TLE1: variants seen among roughly 807,000 people sequenced by gnomAD.
TLE1 encodes transducin-like enhancer protein 1.
In TLE1, 21 loss-of-function variants were observed where a neutral mutation model predicts 89.8. The ratio of observed to expected loss-of-function variants is 0.23; its 90% CI spans 0.17 to 0.34. The LOEUF is 0.34. Ranked by LOEUF, TLE1 falls within the 10% of genes least tolerant of loss-of-function variation. The pLI is 1.00. For missense variants in TLE1, 795 were observed against 1,031.2 expected (o/e 0.77, Z 3.14); for synonymous variants, 447 against 407.6 (o/e 1.10, Z -1.16).
At chr9:81,587,993 T>C (rs571854733) in intron 16 of TLE1, among the ~76,000 whole-genome samples, 165 bp from the exon 17 acceptor site, 4 of 148,706 alleles carry the variant, frequency 2.7e-5, no homozygotes, top group Non-Finnish European at 6.0e-5. Context: ...AACCTTCCCC[T>C]GAGGAGGAGG....
At chr9:81,597,359 G>A (rs541766758) in intron 14 of TLE1, among the ~76,000 whole-genome samples, 6 of 152,266 alleles carry the variant, frequency 3.9e-5, no homozygotes, top group Non-Finnish European at 5.9e-5. Context: ...CAGGGAATGC[G>A]GAAAGGGAGG....
At chr9:81,652,374 G>T in intron 5 of TLE1, 86 bp from the exon 6 acceptor site, 1 of 1,094,880 alleles carries the variant, frequency 9.1e-7, no homozygotes, top group Non-Finnish European at 1.4e-6. Flanking sequence ...AATGCTGTGT[G>T]CAATGCAGGC....
chr9:81,630,546 T>C (rs1588040692), intron 8 of TLE1, among the ~76,000 whole-genome samples: 1 of 152,170 alleles, frequency 6.6e-6, no homozygotes, highest in Admixed American at 6.5e-5. Context: ...AATATCAAAA[T>C]ATAACCCAGA....
intron 4 of TLE1, among the ~76,000 whole-genome samples, chr9:81,681,536 C>T (rs1230480474): frequency 2.0e-5 from 3 of 149,744 alleles, no homozygotes; most frequent in African/African-American, 4.9e-5. Flanking sequence ...GGTGACGGAA[C>T]GAGATTCCGT....
intron 17 of TLE1, among the ~76,000 whole-genome samples, chr9:81,586,526 G>A (rs1828485239): frequency 6.6e-6 from 1 of 152,108 alleles, no homozygotes; most frequent in Non-Finnish European, 1.5e-5. Flanking sequence ...TAATCTTAAG[G>A]GACCACTGTC....
intron 14 of TLE1, among the ~76,000 whole-genome samples, chr9:81,606,753 T>G (rs1831714740): frequency 6.6e-6 from 1 of 151,610 alleles, no homozygotes; most frequent in African/African-American, 2.4e-5. Context: ...TGTACACATG[T>G]ACCCTAGAAC....
At chr9:81,650,619 A>T (rs1588122776) in intron 6 of TLE1, among the ~76,000 whole-genome samples, 1 of 152,354 alleles carries the variant, frequency 6.6e-6, no homozygotes, top group East Asian at 1.9e-4. Flanking sequence ...AAAAGGGTAC[A>T]GAAGGCAGCA....
Position 81,593,229 on chromosome 9 carries a change from G to T in TLE1, c.1377C>A (p.Val459=). 2 of 1,614,188 alleles carry T rather than the reference G, an allele frequency of 1.2e-6. No individual in the cohort carries two copies. The highest frequency in any genetic ancestry group is 1.7e-6 in the Non-Finnish European group (2 of 1,180,038). ...HVTADGQMQP[V]PFPPDALIGP... is the part of the protein sequence containing the mutation. ...CGATGAGGGCGTCGGGGGGAAAAGG[G>T]ACAGGCTGCATCTGACCGTCTGCAG... The change falls in exon 15 of 20, where the codon GTC becomes GTA. Residue 459 remains valine, a synonymous_variant. Transcript: ENST00000376499.
At chr9:81,671,496 T>A (rs1181663547) in intron 4 of TLE1, among the ~76,000 whole-genome samples, 1 of 151,838 alleles carries the variant, frequency 6.6e-6, no homozygotes, top group East Asian at 2.0e-4. Context: ...AATACAAAAA[T>A]TAGCAGGGCG....
chr9:81,671,434 C>T (rs996485358), intron 4 of TLE1, among the ~76,000 whole-genome samples: 1 of 152,020 alleles, frequency 6.6e-6, no homozygotes, highest in Non-Finnish European at 1.5e-5. Context: ...ATCACAAGGT[C>T]AGGAGTTCAA....
rs548167258 is a variant in TLE1 at position 81,654,160 on chromosome 9, T to C, written c.235-124A>G. ...CTCTGGAAATGTGTATAAAATGGTT[T>C]CCCCAGGTTATGTTACTAATACTTA... is the stretch of plus-strand genomic sequence containing the variant. On this transcript the variant is annotated intron_variant, in intron 4 of 19. Coordinates refer to ENST00000376499, the MANE Select transcript of TLE1 (RefSeq NM_005077.5). 7.5e-5 allele frequency: 62 copies of C among 827,700 alleles called. 1 individual carries two copies. The South Asian group carries it at 1.0e-3, about 13-fold the overall frequency. The allele number at this position is 827,700 out of a possible 1,614,324, so 51.3% of individuals were successfully genotyped here.
Position 81,689,494 on chromosome 9 carries a change from G to GCAGCCGCCGCTCCCA in TLE1, c.-1269_-1255dup, listed in dbSNP as rs1169821734. 6.6e-6 allele frequency among the ~76,000 whole-genome samples: 1 copy of GCAGCCGCCGCTCCCA among 152,098 alleles called. No homozygotes were observed. The highest frequency in any genetic ancestry group is 1.5e-5 in the Non-Finnish European group (1 of 68,002). ...CGCTGTTTCTGCTGCTGCTGCTTCT[G>GCAGCCGCCGCTCCCA]CAGCCGCCGCTCCCACCGCCGCCGC... On this transcript the variant is annotated 5_prime_UTR_variant, in exon 1 of 20. Coordinates refer to ENST00000376499, the MANE Select transcript of TLE1 (RefSeq NM_005077.5).
intron 8 of TLE1, 65 bp downstream of exon 8, chr9:81,633,283 G>A (rs1826911840): frequency 6.3e-7 from 1 of 1,596,052 alleles, no homozygotes; most frequent in African/African-American, 1.4e-5. Flanking sequence ...TTGTCAGAAG[G>A]GGACCGTGTG....
intron 4 of TLE1, among the ~76,000 whole-genome samples, chr9:81,675,657 A>T (rs1832779111): frequency 6.6e-6 from 1 of 151,460 alleles, no homozygotes; most frequent in East Asian, 1.9e-4. Flanking sequence ...ATTAGAACTG[A>T]AAAGATTTCA....
At chr9:81,653,944 G>A (rs778037420) in intron 5 of TLE1, 30 bp downstream of exon 5, 3 of 1,602,276 alleles carry the variant, frequency 1.9e-6, no homozygotes, top group South Asian at 1.1e-5. Flanking sequence ...CAACATAATT[G>A]CACTTTAACA....
intron 6 of TLE1, among the ~76,000 whole-genome samples, chr9:81,647,926 TTTTTA>T (rs1346627780): frequency 6.6e-6 from 1 of 152,148 alleles, no homozygotes; most frequent in Non-Finnish European, 1.5e-5. Context: ...ACTATTAATA[TTTTTA>T]AAAATGCAAT....
Position 81,611,795 on chromosome 9 carries a change from C to A in TLE1, c.1228G>T (p.Val410Leu). Reference sequence around the variant, plus strand: ...ATGGGGGAGCGCCCGTAGGCCACCACGGCGGCCGCGGCGGCTGCGGCGCTC... The same window carrying A: ...ATGGGGGAGCGCCCGTAGGCCACCAAGGCGGCCGCGGCGGCTGCGGCGCTC... ...QMSAAAAAAA[V>L]VAYGRSPMVG... Residue 410 changes from valine (V) to leucine (L), a missense_variant, in exon 13 of 20, where the codon GTG becomes TTG. Physicochemically the swap from Val to Leu is conservative, Grantham distance 32. Around this residue, in one of 4 missense-constraint regions of TLE1, gnomAD observed 468 missense variants for 509.1 expected, o/e 0.92. Coordinates refer to ENST00000376499, the MANE Select transcript of TLE1 (RefSeq NM_005077.5). 2 of 1,544,708 alleles carry A rather than the reference C, an allele frequency of 1.3e-6. No individual in the cohort carries two copies. The highest frequency in any genetic ancestry group is 2.4e-5 in the South Asian group (2 of 81,996).
chr9:81,596,526 C>A (rs80227870), intron 14 of TLE1, among the ~76,000 whole-genome samples: 17,718 of 152,160 alleles, frequency 0.12, 1,218 homozygotes, highest in Non-Finnish European at 0.16. Flanking sequence ...TCATCATGAC[C>A]ATGGTGAAGG....
At chr9:81,636,053 A>G (rs1381698437) in intron 6 of TLE1, among the ~76,000 whole-genome samples, 2 of 152,188 alleles carry the variant, frequency 1.3e-5, no homozygotes, top group African/African-American at 4.8e-5. Context: ...ATAAACTTTC[A>G]TTCTTTTCAA....
Sources: gnomAD v4.1 joint callset for allele counts (sites outside exome capture counted in the v4.1 genomes callset) on GRCh38, gnomAD v4.1.1 for gene constraint, gnomAD v4.1.1 regional missense constraint, MANE v1.5 for transcripts, NCBI Gene and HGNC (gene_info 2026-07-23, HGNC 2026-07-21) for gene names.